Variants in TLN2 observed in about 807,000 individuals in gnomAD.
TLN2 encodes the protein talin-2.
A neutral mutation model predicts 294.7 loss-of-function variants in TLN2; 118 were observed. The observed-to-expected ratio is 0.40, with a 90% CI of 0.34 to 0.47. The LOEUF (loss-of-function observed/expected upper bound fraction) is 0.47. Among genes scored for constraint, TLN2 ranks in the 20% least tolerant of loss-of-function variants. TLN2 has a pLI of 0.84. For missense variants in TLN2, 3,083 were observed against 3,282.2 expected (o/e 0.94, Z 1.48); for synonymous variants, 1,431 against 1,304.5 (o/e 1.10, Z -2.09).
In TLN2 at chr15:62,755,487, G is replaced by C; in HGVS notation, c.4477-45G>C. 3 of 1,602,204 alleles carry C rather than the reference G, an allele frequency of 1.9e-6. No homozygotes were observed. In the South Asian group the frequency reaches 3.4e-5, roughly 18 times the overall value. The stretch of plus-strand genomic sequence containing the variant: ...GCTGAGGACCGGGGTGGACCCCTCT[G>C]CACTGTAGCATGGGGTACCCCCAAC... On this transcript the variant is annotated intron_variant, in intron 36 of 58. Coordinates refer to ENST00000636159, the MANE Select transcript of TLN2 (RefSeq NM_015059.3).
chr15:62,646,633 T>C (rs569500293), intron 3 of TLN2, among the ~76,000 whole-genome samples: 16 of 152,362 alleles, frequency 1.1e-4, no homozygotes, highest in Admixed American at 4.6e-4. Context: ...CATGTTGATC[T>C]TTTCTTGGGA....
At chr15:62,682,121 G>T (rs2056889223) in intron 11 of TLN2, among the ~76,000 whole-genome samples, 3 of 152,164 alleles carry the variant, frequency 2.0e-5, no homozygotes, top group Admixed American at 2.0e-4. Flanking sequence ...GGCCCTAGGG[G>T]CAGATAGTAA....
At chr15:62,613,865 AAAG>A (rs1175912776) in intron 2 of TLN2, among the ~76,000 whole-genome samples, 2 of 152,156 alleles carry the variant, frequency 1.3e-5, no homozygotes, top group Non-Finnish European at 2.9e-5. Context: ...AAAAAAAAAA[AAAG>A]AGTGTATACT....
rs766928952 is a variant in TLN2 at position 62,727,116 on chromosome 15, C to T, written c.3285C>T (p.Ser1095=). The change falls in exon 28 of 59, where the codon AGC becomes AGT. Residue 1095 remains serine, a synonymous_variant. Coordinates refer to ENST00000636159, the MANE Select transcript of TLN2 (RefSeq NM_015059.3). ...TLEKCAQDLG[S]TSKAVGSSMA... is the part of the protein sequence containing the mutation. ...AAAAATGTGCTCAGGACCTGGGAAG[C>T]ACATCCAAGGCGGTGGGCTCCTCCA... 16 of 1,614,080 alleles carry T rather than the reference C, an allele frequency of 9.9e-6. No individual in the cohort carries two copies. Among genetic ancestry groups the T allele is most frequent in the Admixed American group, 1.7e-5 (1 of 59,994 alleles).
intron 3 of TLN2, among the ~76,000 whole-genome samples, chr15:62,627,295 A>G (rs1208024665): frequency 6.6e-6 from 1 of 152,212 alleles, no homozygotes; most frequent in African/African-American, 2.4e-5. Flanking sequence ...GGTAGGGTGG[A>G]ACTATACCCA....
chr15:62,678,054 C>T (rs1404992696), intron 11 of TLN2, among the ~76,000 whole-genome samples: 2 of 151,956 alleles, frequency 1.3e-5, no homozygotes, highest in Non-Finnish European at 2.9e-5. Context: ...CTTGGCCTCC[C>T]AAAGTGCTGG....
At chr15:62,753,687 C>A in intron 35 of TLN2, 86 bp from the exon 36 acceptor site, 1 of 1,470,128 alleles carries the variant, frequency 6.8e-7, no homozygotes. Context: ...AGTGTGACAG[C>A]TGCATGTGTA....
intron 1 of TLN2, among the ~76,000 whole-genome samples, chr15:62,454,115 G>A (rs2036322618): frequency 6.6e-6 from 1 of 152,140 alleles, no homozygotes; most frequent in South Asian, 2.1e-4. Context: ...CTTTATTTTG[G>A]GGTTTTGAAG....
At chr15:62,410,250 A>G (rs1484427223) in intron 1 of TLN2, among the ~76,000 whole-genome samples, 1 of 152,174 alleles carries the variant, frequency 6.6e-6, no homozygotes, top group Non-Finnish European at 1.5e-5. Context: ...TCAAAAAGAA[A>G]AAAAGAAAAA....
chr15:62,695,826 C>T (rs2058287189), intron 14 of TLN2, among the ~76,000 whole-genome samples: 1 of 152,216 alleles, frequency 6.6e-6, no homozygotes, highest in Non-Finnish European at 1.5e-5. Flanking sequence ...TGCTCCCTGA[C>T]AGGGTGATCT....
rs2040296266 is a variant in TLN2, at chr15:62,518,496, T to C, written c.-237-71191T>C. Among the ~76,000 whole-genome samples the C allele has an allele frequency of 2.6e-5, 4 of 152,200 alleles. No homozygotes were observed. The South Asian group carries it at 8.3e-4, about 31-fold the overall frequency. ...TTGTCTGAGCCTCAGGTTTCTCAAC[T>C]GAAAATTAAATTTCTATCTACTTTA... On this transcript the variant is annotated intron_variant, in intron 1 of 58. Transcript: ENST00000636159.
At chr15:62,775,234 CTG>C (rs74852393) in intron 42 of TLN2, among the ~76,000 whole-genome samples, 24,434 of 151,946 alleles carry the variant, frequency 0.16, 2,435 homozygotes, top group East Asian at 0.3. Flanking sequence ...ATTTTTGTGT[CTG>C]TAACAGTCAT....
At chr15:62,554,215 T>C (rs1286595353) in intron 1 of TLN2, among the ~76,000 whole-genome samples, 1 of 151,606 alleles carries the variant, frequency 6.6e-6, no homozygotes, top group Non-Finnish European at 1.5e-5. Flanking sequence ...CCCCCCTCAC[T>C]GTGGCAGGAG....
At chr15:62,497,193 G>A (rs1222956036) in intron 1 of TLN2, among the ~76,000 whole-genome samples, 1 of 152,146 alleles carries the variant, frequency 6.6e-6, no homozygotes, top group Non-Finnish European at 1.5e-5. Context: ...ATAAATGTTC[G>A]CTGAGGGAGT....
intron 45 of TLN2, among the ~76,000 whole-genome samples, chr15:62,787,497 A>T (rs944873500): frequency 6.6e-6 from 1 of 152,140 alleles, no homozygotes; most frequent in Non-Finnish European, 1.5e-5. Flanking sequence ...TCGACAAAAA[A>T]AGAATTGAGG....
intron 1 of TLN2, among the ~76,000 whole-genome samples, chr15:62,509,118 A>G (rs1056310074): frequency 6.6e-6 from 1 of 152,190 alleles, no homozygotes; most frequent in African/African-American, 2.4e-5. Context: ...TTGGACCAAG[A>G]TGGTCTGGCT....
intron 2 of TLN2, among the ~76,000 whole-genome samples, chr15:62,613,518 G>A (rs532414197): frequency 3.3e-5 from 5 of 152,258 alleles, no homozygotes; most frequent in Admixed American, 6.5e-5. Flanking sequence ...CAGTACGGCA[G>A]TTTCTTCCAA....
At chr15:62,536,775 T>C (rs1474426930) in intron 1 of TLN2, among the ~76,000 whole-genome samples, 1 of 152,218 alleles carries the variant, frequency 6.6e-6, no homozygotes, top group Admixed American at 6.5e-5. Context: ...TTTAAAGAAC[T>C]GTTTTAAAAG....
intron 1 of TLN2, among the ~76,000 whole-genome samples, chr15:62,495,023 A>C (rs1394971683): frequency 1.3e-5 from 2 of 152,218 alleles, no homozygotes; most frequent in African/African-American, 4.8e-5. Context: ...TGGAAGACCC[A>C]GGCCCAAAGG....
Sources: gnomAD v4.1 joint callset for allele counts (sites outside exome capture counted in the v4.1 genomes callset) on GRCh38, gnomAD v4.1.1 for gene constraint, MANE v1.5 for transcripts, NCBI Gene and HGNC (gene_info 2026-07-23, HGNC 2026-07-21) for gene names.